The following HBS1L variants were observed in gnomAD, a reference collection of about 807,000 sequenced individuals.
HBS1L encodes the protein HBS1 like translational GTPase, also known as HBS1-like protein.
A neutral mutation model predicts 88.9 loss-of-function variants in HBS1L; 55 were observed. The observed-to-expected ratio is 0.62, with a 90% CI of 0.50 to 0.77. HBS1L has a LOEUF of 0.77. Among genes scored for constraint, HBS1L ranks in the 30% least tolerant of loss-of-function variants. The pLI is 0.00. For missense variants in HBS1L, 741 were observed against 829.3 expected, an observed-to-expected ratio of 0.89 and a Z score of 1.31; for synonymous variants, 267 against 288.5, an observed-to-expected ratio of 0.93 and a Z score of 0.76.
At chr6:135,003,663 C>T (rs975743130) in intron 4 of HBS1L, among the ~76,000 whole-genome samples, 6 of 151,104 alleles carry the variant, frequency 4.0e-5, no homozygotes, top group Non-Finnish European at 8.8e-5. Context: ...GTCAGGAGTT[C>T]GAGACCAGCC....
chr6:134,997,773 T>A lies in HBS1L; in HGVS notation c.540-117A>T, dbSNP rs181124542. On this transcript the variant is annotated intron_variant, in intron 5 of 17. Coordinates refer to ENST00000367837, the MANE Select transcript of HBS1L (RefSeq NM_006620.4). ...CCTTTATGCTCCAGACCAGAAATAATCTCTGCTAAGTAGCTAAAGTCTGTT... is the reference window on the plus strand; with the variant it reads ...CCTTTATGCTCCAGACCAGAAATAAACTCTGCTAAGTAGCTAAAGTCTGTT... 4.0e-5 allele frequency: 39 copies of A among 967,850 alleles called. No homozygotes were observed. The Admixed American group carries it at 7.3e-4, about 18-fold the overall frequency. 60.0% of individuals were successfully genotyped at this position (967,850 alleles called of 1,614,324 possible).
intron 7 of HBS1L, among the ~76,000 whole-genome samples, chr6:134,996,384 GTTACC>G (rs995960902): frequency 6.6e-6 from 1 of 152,166 alleles, no homozygotes; most frequent in African/African-American, 2.4e-5. Context: ...TTTTATGACA[GTTACC>G]TTTCCTTTGT....
At position 134,965,243 on chromosome 6, in the gene HBS1L, C is replaced by T; in HGVS notation, c.*36G>A. 6.5e-7 allele frequency: 1 copy of T among 1,532,894 alleles called. No homozygotes were observed. Among genetic ancestry groups the T allele is most frequent in the African/African-American group, 1.4e-5 (1 of 73,290 alleles). 95.0% of individuals were successfully genotyped at this position (1,532,894 alleles called of 1,614,324 possible). A position where few individuals can be genotyped will look rare whatever the true frequency, so the allele number is the denominator to read the frequency against. On this transcript the variant is annotated 3_prime_UTR_variant, in exon 18 of 18. Coordinates refer to ENST00000367837, the MANE Select transcript of HBS1L (RefSeq NM_006620.4). ...TTCTTGAAACAGAGGTTAGCTATTT[C>T]ACTGTATCCAGAAACGTGGTAGAAA...
At chr6:135,010,644 T>C (rs527875127) in intron 4 of HBS1L, among the ~76,000 whole-genome samples, 2 of 152,326 alleles carry the variant, frequency 1.3e-5, no homozygotes, top group East Asian at 1.9e-4. Flanking sequence ...TTTTATTTGC[T>C]TAAGTGTCAT....
intron 8 of HBS1L, among the ~76,000 whole-genome samples, chr6:134,991,899 C>A (rs1422538658): frequency 6.6e-6 from 1 of 152,098 alleles, no homozygotes; most frequent in Non-Finnish European, 1.5e-5. Context: ...GAGATCCCAT[C>A]TTTACAAAAA....
intron 4 of HBS1L, among the ~76,000 whole-genome samples, chr6:135,029,031 T>C (rs1776314589): frequency 6.6e-6 from 1 of 151,968 alleles, no homozygotes; most frequent in Admixed American, 6.6e-5. Flanking sequence ...GGTACTACAA[T>C]AAATCCATCT....
At position 134,993,798 on chromosome 6, in the gene HBS1L, T is replaced by C; in HGVS notation, c.1043A>G (p.His348Arg). ...AATCATATTTGGAATGAAGTCCTTA[T>C]GGCCTGGAGCATCCATTAATGTAAT... ...KVITLMDAPG[H>R]KDFIPNMITG... Residue 348 changes from histidine to arginine, a missense_variant, in exon 8 of 18, where the codon CAT (histidine) becomes CGT (arginine). Transcript: ENST00000367837. The C allele has an allele frequency of 2.5e-6, 4 of 1,601,648 alleles. No homozygotes were observed. The highest frequency in any genetic ancestry group is 3.4e-6 in the Non-Finnish European group (4 of 1,171,770).
At chr6:135,011,747 A>C (rs1775779885) in intron 4 of HBS1L, among the ~76,000 whole-genome samples, 2 of 152,016 alleles carry the variant, frequency 1.3e-5, no homozygotes, top group Non-Finnish European at 2.9e-5. Context: ...TCTTCTAAAA[A>C]ATACAAAAAT....
chr6:135,051,239 GAA>G (rs1220085953), intron 1 of HBS1L, among the ~76,000 whole-genome samples: 2 of 150,260 alleles, frequency 1.3e-5, no homozygotes, highest in Non-Finnish European at 3.0e-5. Flanking sequence ...GAAAAAAAAA[GAA>G]AAAAAGAAAA....
intron 1 of HBS1L, among the ~76,000 whole-genome samples, chr6:135,050,990 G>T (rs940892714): frequency 6.6e-6 from 1 of 152,204 alleles, no homozygotes; most frequent in Non-Finnish European, 1.5e-5. Flanking sequence ...CACTTTGGGA[G>T]GCCGAGGTAG....
chr6:135,048,898 G>C (rs1048331897), intron 2 of HBS1L, among the ~76,000 whole-genome samples: 9 of 152,168 alleles, frequency 5.9e-5, no homozygotes, highest in Non-Finnish European at 1.0e-4. Context: ...AGAATAACCA[G>C]TTAACAGGAA....
At chr6:135,007,549 C>T (rs955009801) in intron 4 of HBS1L, among the ~76,000 whole-genome samples, 3 of 152,042 alleles carry the variant, frequency 2.0e-5, no homozygotes, top group Non-Finnish European at 2.9e-5. Context: ...GTAAATTATC[C>T]ACTGAGCTGT....
At chr6:134,986,626 C>A in intron 10 of HBS1L, 110 bp downstream of exon 10, 5 of 477,354 alleles carry the variant, frequency 1.0e-5, no homozygotes, top group Non-Finnish European at 1.8e-5. Context: ...GAAAATAAAG[C>A]AAAGAGAATT....
chr6:135,048,856 C>G (rs1484035827), intron 2 of HBS1L, among the ~76,000 whole-genome samples: 1 of 152,134 alleles, frequency 6.6e-6, no homozygotes, highest in Non-Finnish European at 1.5e-5. Flanking sequence ...ACCAGAAGAG[C>G]AGGCCTGTAC....
intron 5 of HBS1L, among the ~76,000 whole-genome samples, chr6:135,000,095 G>T (rs1024033624): frequency 1.3e-5 from 2 of 151,514 alleles, no homozygotes; most frequent in Non-Finnish European, 2.9e-5. Context: ...CTCTCGCTGT[G>T]TTGCCCAGGC....
intron 5 of HBS1L, among the ~76,000 whole-genome samples, chr6:134,999,669 A>G (rs549229527): frequency 3.9e-5 from 6 of 152,058 alleles, no homozygotes; most frequent in Middle Eastern, 6.8e-3. Context: ...GCTGGTATTG[A>G]ACTCCTGACC....
At chr6:135,037,327 G>A in intron 4 of HBS1L, 1 of 1,551,966 alleles carries the variant, frequency 6.4e-7, no homozygotes, top group Non-Finnish European at 8.7e-7. Flanking sequence ...AAACAGTTCA[G>A]TTAGGGATGG....
chr6:135,009,814 T>G (rs1474732043), intron 4 of HBS1L, among the ~76,000 whole-genome samples: 2 of 151,796 alleles, frequency 1.3e-5, no homozygotes, highest in South Asian at 2.1e-4. Flanking sequence ...TTTTTTTTTT[T>G]TGTATTTTTA....
rs1441417726 is a variant in HBS1L at position 135,054,800 on chromosome 6, G to A, written c.-109C>T. ...CTGGAGAACCCCTATGCGCCATCTTGGCTTCCCGCAGGCCTCTGCGCCGAG... is the reference window on the plus strand; with the variant it reads ...CTGGAGAACCCCTATGCGCCATCTTAGCTTCCCGCAGGCCTCTGCGCCGAG... On this transcript the variant is annotated 5_prime_UTR_variant, in exon 1 of 18. Coordinates refer to ENST00000367837, the MANE Select transcript of HBS1L (RefSeq NM_006620.4). The A allele has an allele frequency of 2.9e-6, 4 of 1,377,788 alleles. No homozygotes were observed. The East Asian group carries it at 9.8e-5, about 34-fold the overall frequency. 85.3% of individuals were successfully genotyped at this position (1,377,788 alleles called of 1,614,324 possible).
Sources: gnomAD v4.1 joint callset for allele counts (sites outside exome capture counted in the v4.1 genomes callset) on GRCh38, gnomAD v4.1.1 for gene constraint, MANE v1.5 for transcripts, NCBI Gene and HGNC (gene_info 2026-07-23, HGNC 2026-07-21) for gene names.